PLEKHM1: variants seen among roughly 807,000 people sequenced by gnomAD.
The protein encoded by PLEKHM1 is pleckstrin homology domain-containing family M member 1.
A neutral mutation model predicts 94.3 loss-of-function variants in PLEKHM1; 28 were observed. That is an observed-to-expected ratio of 0.30 (90% CI 0.22 to 0.41). PLEKHM1 has a LOEUF of 0.41. Ranked by LOEUF, PLEKHM1 falls within the 10% of genes least tolerant of loss-of-function variation. The pLI is 1.00. For missense variants in PLEKHM1, 907 were observed against 1,358.6 expected, an observed-to-expected ratio of 0.67 and a Z score of 5.22; for synonymous variants, 424 against 581.2, an observed-to-expected ratio of 0.73 and a Z score of 3.89.
intron 1 of PLEKHM1, among the ~76,000 whole-genome samples, chr17:45,486,246 T>A (rs148038755): frequency 0.059 from 8,197 of 138,568 alleles, 416 homozygotes; most frequent in African/African-American, 0.13. Flanking sequence ...AAAAAAATAA[T>A]AATAATAATA....
At chr17:45,487,008 A>T (rs1223402812) in intron 1 of PLEKHM1, among the ~76,000 whole-genome samples, 1 of 152,152 alleles carries the variant, frequency 6.6e-6, no homozygotes, top group African/African-American at 2.4e-5. Flanking sequence ...CATTGACACA[A>T]AGAACCAAAG....
intron 1 of PLEKHM1, among the ~76,000 whole-genome samples, chr17:45,489,734 T>C (rs1436283550): frequency 6.6e-6 from 1 of 152,076 alleles, no homozygotes; most frequent in Non-Finnish European, 1.5e-5. Flanking sequence ...AGTGAGCACC[T>C]ACATTTGGCT....
chr17:45,470,920 C>T (rs1362359336), intron 4 of PLEKHM1, among the ~76,000 whole-genome samples: 3 of 151,932 alleles, frequency 2.0e-5, no homozygotes, highest in Non-Finnish European at 4.4e-5. Flanking sequence ...CCTGCTTTGG[C>T]CTCACAAAGT....
At position 45,475,502 on chromosome 17, in the gene PLEKHM1, A is replaced by T; in HGVS notation, c.521T>A (p.Leu174Ter). The stretch of plus-strand genomic sequence containing the variant: ...AGACTTGTAGGAGAGTTCGAAGGAC[A>T]AGGACGTGAGGCCCTGCAGGAAGCT... Reference protein sequence around the residue: ...LLSFLQGLTSLSFELSYKSAI... With the variant: ...LLSFLQGLTS Residue 174 changes from leucine to a stop codon, truncating the protein, a stop_gained, in exon 4 of 12, where the codon TTG (leucine) becomes TAG (stop). Coordinates refer to ENST00000430334, the MANE Select transcript of PLEKHM1 (RefSeq NM_014798.3). LOFTEE classifies it high-confidence loss of function. The T allele has an allele frequency of 6.2e-7, 1 of 1,612,166 alleles. No individual in the cohort carries two copies. The highest frequency in any genetic ancestry group is 8.5e-7 in the Non-Finnish European group (1 of 1,178,272).
At chr17:45,472,104 T>C (rs188464169) in intron 4 of PLEKHM1, among the ~76,000 whole-genome samples, 3 of 152,062 alleles carry the variant, frequency 2.0e-5, no homozygotes, top group African/African-American at 7.3e-5. Context: ...AAGGAATTTA[T>C]GTCTAATTTA....
At position 45,437,001 on chromosome 17, in the gene PLEKHM1, G is replaced by A. The variant is rs1179627158; in HGVS notation, c.*857C>T. The A allele has an allele frequency of 4.4e-6, 2 of 453,510 alleles. No individual in the cohort carries two copies. Among genetic ancestry groups the A allele is most frequent in the South Asian group, 3.1e-5 (2 of 64,410 alleles). 28.1% of individuals were successfully genotyped at this position (453,510 alleles called of 1,614,324 possible). ...CCCTGTCTGTAGAGGGGTGAGGAGC[G>A]CACGGGGATCGGGGGTGGGCAAGAC... On this transcript the variant is annotated 3_prime_UTR_variant, in exon 12 of 12. Transcript: ENST00000430334. The surrounding 1 kb of genome is among the most constrained non-coding windows in gnomAD (Gnocchi z 4.0).
intron 4 of PLEKHM1, among the ~76,000 whole-genome samples, chr17:45,474,247 C>T (rs62065404): frequency 0.13 from 19,712 of 151,576 alleles, 1,604 homozygotes; most frequent in Middle Eastern, 0.21. Context: ...TTAGTAGAGA[C>T]GGGGTTTCAC....
At chr17:45,490,305 T>G (rs2145379235) in intron 1 of PLEKHM1, among the ~76,000 whole-genome samples, 2 of 143,650 alleles carry the variant, frequency 1.4e-5, no homozygotes, top group African/African-American at 2.6e-5. Context: ...GAGGATGAGG[T>G]GTGTCAGGGC....
intron 4 of PLEKHM1, among the ~76,000 whole-genome samples, chr17:45,471,536 GCGGATCACCTGAGGTCAGGAGTTCAC>G (rs2051511435): frequency 6.6e-6 from 1 of 151,708 alleles, no homozygotes; most frequent in Non-Finnish European, 1.5e-5. Flanking sequence ...GCTGAGCCAG[GCGGATCACCTGAGGTCAGGAGTTCAC>G]CTGGCCAACA....
intron 8 of PLEKHM1, among the ~76,000 whole-genome samples, chr17:45,449,181 T>G (rs1335768930): frequency 1.3e-5 from 2 of 150,934 alleles, no homozygotes; most frequent in African/African-American, 4.8e-5. Context: ...CACCTGGGCC[T>G]CATAGGGTTG....
chr17:45,453,527 G>A lies in PLEKHM1; in HGVS notation c.2325C>T (p.Val775=). The change falls in exon 7 of 12, where the codon GTC becomes GTT. Residue 775 remains valine, a synonymous_variant. Transcript: ENST00000430334. This position sits in a 1 kb window ranked among gnomAD's most constrained non-coding sequence, Gnocchi z 4.1. ...CGGCTGTCTCCAAGTAGGATGCCAGGACTTTGCGGACCAGATCCCTCCACA... is the reference window on the plus strand; with the variant it reads ...CGGCTGTCTCCAAGTAGGATGCCAGAACTTTGCGGACCAGATCCCTCCACA... The part of the protein sequence containing the change: ...AALWRDLVRK[V]LASYLETAEE... 1 of 1,608,694 alleles carries A rather than the reference G, an allele frequency of 6.2e-7. No homozygotes were observed. Among genetic ancestry groups the A allele is most frequent in the Non-Finnish European group, 8.5e-7 (1 of 1,177,162 alleles).
At position 45,458,417 on chromosome 17, in the gene PLEKHM1, T is replaced by G; in HGVS notation, c.1331A>C (p.Glu444Ala). The G allele has an allele frequency of 6.2e-7, 1 of 1,613,750 alleles. No individual in the cohort carries two copies. The highest frequency in any genetic ancestry group is 8.5e-7 in the Non-Finnish European group (1 of 1,179,626). ...TSPKNKSWIS[E>A]DDFYRPSREQ... ...CCGGGAAGGCCGGTAGAAGTCATCC[T>G]CTGAGATCCAGCTCTTGTTTTTCTG... Residue 444 changes from glutamate (E) to alanine (A), a missense_variant, in exon 6 of 12, where the codon GAG (glutamate) becomes GCG (alanine). Coordinates refer to ENST00000430334, the MANE Select transcript of PLEKHM1 (RefSeq NM_014798.3).
intron 11 of PLEKHM1, among the ~76,000 whole-genome samples, chr17:45,438,664 C>T (rs979164764): frequency 1.3e-5 from 2 of 152,060 alleles, no homozygotes; most frequent in African/African-American, 4.8e-5. Context: ...TCAAGTGATT[C>T]CCCTGCCTCA....
chr17:45,458,893 G>A (rs931637777), intron 5 of PLEKHM1, among the ~76,000 whole-genome samples: 8 of 151,456 alleles, frequency 5.3e-5, no homozygotes, highest in African/African-American at 1.7e-4. Context: ...AGCACTTTGG[G>A]AGGCTGAGGT....
rs2051814621 is a variant in PLEKHM1 at position 45,478,074 on chromosome 17, G to A, written c.122C>T (p.Thr41Ile). 6.2e-7 allele frequency: 1 copy of A among 1,614,094 alleles called. No homozygotes were observed. The highest frequency in any genetic ancestry group is 1.3e-5 in the African/African-American group (1 of 74,942). Reference protein sequence around the residue: ...KQYVSLDTVVTSEDGDANTMC... With the variant: ...KQYVSLDTVVISEDGDANTMC... ...GGTGTTGGCATCTCCGTCTTCACTAGTGACCACCGTGTCCAGGGACACGTA... is the reference window on the plus strand; with the variant it reads ...GGTGTTGGCATCTCCGTCTTCACTAATGACCACCGTGTCCAGGGACACGTA... The change falls in exon 3 of 12, where the codon ACT becomes ATT. Residue 41 changes from threonine (T) to isoleucine (I), a missense_variant. Around this residue, in one of 3 missense-constraint regions of PLEKHM1, gnomAD observed 176 missense variants for 306.0 expected, o/e 0.58. Coordinates refer to ENST00000430334, the MANE Select transcript of PLEKHM1 (RefSeq NM_014798.3).
rs372420325 is a variant in PLEKHM1 at position 45,441,882 on chromosome 17, C to T, written c.2838-1656G>A. 1.3e-4 allele frequency among the ~76,000 whole-genome samples: 20 copies of T among 152,206 alleles called. No individual in the cohort carries two copies. In the East Asian group the frequency reaches 2.7e-3, roughly 21 times the overall value. ...GACCAGAGGAATCTGGACGGCTCTC[C>T]GGGAGAGAAGAAGATGAGGGGAAAG... On this transcript the variant is annotated intron_variant, in intron 9 of 11. Transcript: ENST00000430334.
chr17:45,458,461 GTTGT>G (rs1382446129), intron 5 of PLEKHM1, 22 bp from the exon 6 acceptor site: 1 of 1,603,548 alleles, frequency 6.2e-7, no homozygotes. Flanking sequence ...GAAGACAACA[GTTGT>G]TTGTTTTAAA....
intron 5 of PLEKHM1, among the ~76,000 whole-genome samples, chr17:45,461,437 G>C (rs1240579772): frequency 2.6e-5 from 4 of 152,166 alleles, no homozygotes; most frequent in Non-Finnish European, 5.9e-5. Context: ...TGTGCTTCTG[G>C]TGTTGCATCT....
At chr17:45,470,387 T>C (rs1597977945) in intron 4 of PLEKHM1, among the ~76,000 whole-genome samples, 2 of 152,386 alleles carry the variant, frequency 1.3e-5, no homozygotes, top group Admixed American at 1.3e-4. Flanking sequence ...CCCAGCACTT[T>C]GGAGGCCAAG....
Sources: gnomAD v4.1 joint callset for allele counts (sites outside exome capture counted in the v4.1 genomes callset) on GRCh38, gnomAD v4.1.1 for gene constraint, gnomAD v4.1.1 regional missense constraint, Gnocchi (gnomAD v3.1) non-coding constraint, MANE v1.5 for transcripts, NCBI Gene and HGNC (gene_info 2026-07-23, HGNC 2026-07-21) for gene names.